Variants in HTRA2 observed in about 807,000 individuals in gnomAD.
The protein encoded by HTRA2 is serine protease HTRA2, mitochondrial.
Under a neutral mutation model 42.2 loss-of-function variants are expected in HTRA2, and 24 were observed. The observed-to-expected ratio is 0.57, with a 90% confidence interval of 0.41 to 0.80. HTRA2 has a LOEUF of 0.80. Ranked by LOEUF, HTRA2 falls within the 30% of genes least tolerant of loss-of-function variation. HTRA2 has a pLI of 0.00. For missense variants in HTRA2, 466 were observed against 613.5 expected, an observed-to-expected ratio of 0.76 and a Z score of 2.54; for synonymous variants, 245 against 255.8, an observed-to-expected ratio of 0.96 and a Z score of 0.40.
At chr2:74,529,760 C>G (rs1275003560), upstream of HTRA2, 2 of 1,490,124 alleles carry the variant, frequency 1.3e-6, no homozygotes, top group African/African-American at 2.8e-5. Context: ...TGAGGCGCGC[C>G]GGAAGGGCTA....
chr2:74,532,536 T>A, intron 6 of HTRA2, 83 bp from the exon 7 acceptor site: 3 of 999,660 alleles, frequency 3.0e-6, no homozygotes, highest in South Asian at 2.7e-5. Context: ...TATTTATCAA[T>A]GTGTTGATGA....
rs184230827 is a variant in HTRA2, at chr2:74,533,252, C to T, written c.*267C>T. On this transcript the variant is annotated 3_prime_UTR_variant, in exon 8 of 8. Transcript: ENST00000258080. ...AAGGCTAGAGGTAAAGCTGTATCCCCCTAAACTTAGGGGAGATACTGGAGC... is the reference window on the plus strand; with the variant it reads ...AAGGCTAGAGGTAAAGCTGTATCCCTCTAAACTTAGGGGAGATACTGGAGC... The T allele has an allele frequency of 2.3e-4, 126 of 553,072 alleles. No homozygotes were observed. The highest frequency in any genetic ancestry group is 3.4e-4 in the Non-Finnish European group (106 of 310,882). The allele number at this position is 553,072 out of a possible 1,614,324, so 34.3% of individuals were successfully genotyped here.
chr2:74,533,508 G>C, downstream of HTRA2: 1 of 1,027,026 alleles, frequency 9.7e-7, no homozygotes, highest in Non-Finnish European at 1.5e-6. Context: ...TGATGAGTGC[G>C]GTTGCTGACA....
upstream of HTRA2, chr2:74,529,767 G>T (rs1208221868): frequency 5.4e-6 from 8 of 1,479,580 alleles, no homozygotes; most frequent in African/African-American, 4.2e-5. Context: ...CGCCGGAAGG[G>T]CTAGCGGTCC....
chr2:74,529,748 C>T (rs1198194662), upstream of HTRA2: 23 of 1,500,162 alleles, frequency 1.5e-5, no homozygotes, highest in Non-Finnish European at 1.9e-5. Context: ...GACCCGAAGT[C>T]CTGAGGCGCG....
chr2:74,531,786 G>A, intron 5 of HTRA2, 70 bp from the exon 6 acceptor site: 1 of 1,611,666 alleles, frequency 6.2e-7, no homozygotes, highest in Non-Finnish European at 8.5e-7. Flanking sequence ...CTGGAGGGTG[G>A]TCTACTGGGA....
chr2:74,533,507 C>A, downstream of HTRA2: 4 of 1,009,820 alleles, frequency 4.0e-6, no homozygotes, highest in South Asian at 5.6e-5. Context: ...CTGATGAGTG[C>A]GGTTGCTGAC....
chr2:74,530,450 C>T lies in HTRA2; in HGVS notation c.444C>T (p.Asn148=), dbSNP rs752755100. The change falls in exon 1 of 8, where the codon AAC becomes AAT. Residue 148 remains asparagine (N), a synonymous_variant. Transcript: ENST00000258080. This position sits in a 1 kb window ranked among gnomAD's most constrained non-coding sequence, Gnocchi z 7.4. The part of the protein sequence containing the change: ...PPPASPRSQY[N]FIADVVEKTA... Reference sequence around the variant, plus strand: ...CCGCTTCTCCCCGGAGTCAGTACAACTTCATCGCAGATGTGGTGGAGAAGA... The same window carrying T: ...CCGCTTCTCCCCGGAGTCAGTACAATTTCATCGCAGATGTGGTGGAGAAGA... The T allele has an allele frequency of 3.1e-6, 5 of 1,606,344 alleles. No individual in the cohort carries two copies. The highest frequency in any genetic ancestry group is 4.2e-6 in the Non-Finnish European group (5 of 1,179,906).
chr2:74,529,764 A>G, upstream of HTRA2: 1 of 1,486,836 alleles, frequency 6.7e-7, no homozygotes, highest in African/African-American at 1.4e-5. Flanking sequence ...GCGCGCCGGA[A>G]GGGCTAGCGG....
Position 74,531,015 on chromosome 2 carries a change from C to T in HTRA2, c.816C>T (p.Ser272=). Residue 272 remains serine, a synonymous_variant, in exon 3 of 8, where the codon TCC becomes TCT. Coordinates refer to ENST00000258080, the MANE Select transcript of HTRA2 (RefSeq NM_013247.5). ...SPFALQNTIT[S]GIVSSAQRPA... is the part of the protein sequence containing the mutation. ...TTGCACTGCAGAACACGATCACATC[C>T]GGCATTGTTAGCTCTGCTCAGCGTC... is the stretch of plus-strand genomic sequence containing the variant. 2.5e-6 allele frequency: 4 copies of T among 1,614,196 alleles called. No homozygotes were observed. Among genetic ancestry groups the T allele is most frequent in the Non-Finnish European group, 3.4e-6 (4 of 1,180,030 alleles).
chr2:74,531,145 G>T, intron 3 of HTRA2, 40 bp downstream of exon 3: 4 of 1,599,680 alleles, frequency 2.5e-6, no homozygotes, highest in South Asian at 1.1e-5. Context: ...TGATGGGGGA[G>T]GGGGGAGAGG....
Position 74,530,522 on chromosome 2 carries a change from G to A in HTRA2, c.506+10G>A. 1 of 1,613,082 alleles carries A rather than the reference G, an allele frequency of 6.2e-7. No homozygotes were observed. Among genetic ancestry groups the A allele is most frequent in the East Asian group, 2.2e-5 (1 of 44,876 alleles). Reference sequence around the variant, plus strand: ...TCGAGATCCTGGACCGGTAATGGTGGGGGTAGACCGGGAGGCACTGAAGCC... The same window carrying A: ...TCGAGATCCTGGACCGGTAATGGTGAGGGTAGACCGGGAGGCACTGAAGCC... On this transcript the variant is annotated intron_variant, in intron 1 of 7. Coordinates refer to ENST00000258080, the MANE Select transcript of HTRA2 (RefSeq NM_013247.5). This position sits in a 1 kb window ranked among gnomAD's most constrained non-coding sequence, Gnocchi z 7.4.
chr2:74,532,913 C>A lies in HTRA2; in HGVS notation c.1305C>A (p.Ser435=). The A allele has an allele frequency of 6.2e-7, 1 of 1,613,956 alleles. No individual in the cohort carries two copies. The highest frequency in any genetic ancestry group is 8.5e-7 in the Non-Finnish European group (1 of 1,179,984). ...TTTATGAAGCTGTTCGAACCCAATC[C>A]CAGTTGGCAGTGCAGATCCGGCGGG... ...EDVYEAVRTQ[S]QLAVQIRRGR... is the part of the protein sequence containing the mutation. The change falls in exon 8 of 8, where the codon TCC becomes TCA. Residue 435 remains serine (S), a synonymous_variant. Transcript: ENST00000258080.
Position 74,530,680 on chromosome 2 carries a change from T to G in HTRA2, c.570T>G (p.Asp190Glu), listed in dbSNP as rs767637122. The change falls in exon 2 of 8, where the codon GAT (aspartate) becomes GAG (glutamate). Residue 190 changes from aspartate (D) to glutamate (E), a missense_variant. This residue lies in a region of HTRA2 where 115 missense variants were observed against 245.4 expected (regional missense o/e 0.47). Transcript: ENST00000258080. This position sits in a 1 kb window ranked among gnomAD's most constrained non-coding sequence, Gnocchi z 7.4. ...GCTCAGGATTCGTGGTGGCTGCCGA[T>G]GGGCTCATTGTCACCAACGCCCATG... ...SNGSGFVVAADGLIVTNAHVV... is the reference protein window; with the variant it reads ...SNGSGFVVAAEGLIVTNAHVV... 6.2e-7 allele frequency: 1 copy of G among 1,614,170 alleles called. No homozygotes were observed. Among genetic ancestry groups the G allele is most frequent in the Non-Finnish European group, 8.5e-7 (1 of 1,180,030 alleles).
In HTRA2 at chr2:74,531,920, T is replaced by C; in HGVS notation, c.1110T>C (p.Ser370=). ...RYIGVMMLTL[S]PSILAELQLR... Reference sequence around the variant, plus strand: ...TTGGGGTGATGATGCTGACCCTGAGTCCCAGGTATGAGCTTTAGGGACAGT... The same window carrying C: ...TTGGGGTGATGATGCTGACCCTGAGCCCCAGGTATGAGCTTTAGGGACAGT... The change falls in exon 6 of 8, where the codon AGT becomes AGC. Residue 370 remains serine, a synonymous_variant. Coordinates refer to ENST00000258080, the MANE Select transcript of HTRA2 (RefSeq NM_013247.5). The C allele has an allele frequency of 6.2e-7, 1 of 1,614,002 alleles. No homozygotes were observed.
chr2:74,529,490 A>G (rs1572992298), upstream of HTRA2: 1 of 1,553,832 alleles, frequency 6.4e-7, no homozygotes, highest in Non-Finnish European at 8.7e-7. Context: ...GGAAGCAGTC[A>G]CCCGGAAGCC....
Position 74,531,346 on chromosome 2 carries a change from ACT to A in HTRA2, c.917_918del (p.Ser306TrpfsTer6), listed in dbSNP as rs1675585106. 6.2e-7 allele frequency: 1 copy of A among 1,613,894 alleles called. No homozygotes were observed. The highest frequency in any genetic ancestry group is 8.5e-7 in the Non-Finnish European group (1 of 1,179,928). On this transcript the variant is annotated frameshift_variant, in exon 4 of 8. Transcript: ENST00000258080. LOFTEE classifies it high-confidence loss of function. ...TTTCTCCTTGTCCTACAGTTTGGAAACTCTGGAGGTCCCCTGGTTAACCTGGT... is the reference window on the plus strand; with the variant it reads ...TTTCTCCTTGTCCTACAGTTTGGAAACTGGAGGTCCCCTGGTTAACCTGGT...
rs2104367592 is a variant in HTRA2 at position 74,530,418 on chromosome 2, C to G, written c.412C>G (p.Pro138Ala). Residue 138 changes from proline (P) to alanine (A), a missense_variant, in exon 1 of 8, where the codon CCG (proline) becomes GCG (alanine). Around this residue, in one of 3 missense-constraint regions of HTRA2, gnomAD observed 222 missense variants for 205.1 expected, o/e 1.08. Coordinates refer to ENST00000258080, the MANE Select transcript of HTRA2 (RefSeq NM_013247.5). This position sits in a 1 kb window ranked among gnomAD's most constrained non-coding sequence, Gnocchi z 7.4. ...PPAVLAAVPS[P>A]PPASPRSQYN... ...GGCCGTCCTCGCCGCCGTCCCTAGC[C>G]CGCCGCCCGCTTCTCCCCGGAGTCA... 1 of 1,601,256 alleles carries G rather than the reference C, an allele frequency of 6.2e-7. No individual in the cohort carries two copies. Among genetic ancestry groups the G allele is most frequent in the Non-Finnish European group, 8.5e-7 (1 of 1,177,688 alleles).
At chr2:74,529,692 G>A, upstream of HTRA2, 4 of 1,538,774 alleles carry the variant, frequency 2.6e-6, no homozygotes, top group Non-Finnish European at 3.5e-6. Flanking sequence ...CGGCCGCAGG[G>A]GCTCTTGGGA....
Sources: allele counts gnomAD v4.1 joint callset, GRCh38; gene constraint gnomAD v4.1.1; regional missense constraint gnomAD v4.1.1; non-coding constraint Gnocchi (gnomAD v3.1); transcripts MANE v1.5; gene names NCBI Gene and HGNC (gene_info 2026-07-23, HGNC 2026-07-21).